The following MZT2A variants were observed in gnomAD, a reference collection of about 807,000 sequenced individuals.
MZT2A encodes the protein mitotic spindle organizing protein 2A.
In MZT2A, 8 loss-of-function variants were observed where a neutral mutation model predicts 12.4. The ratio of observed to expected loss-of-function variants is 0.64; its 90% CI spans 0.38 to 1.16. The LOEUF (loss-of-function observed/expected upper bound fraction) is 1.16. Ranked by LOEUF, MZT2A falls within the 50% of genes most tolerant of loss-of-function variation. The pLI, the probability that MZT2A is intolerant of heterozygous loss-of-function variation, is 0.01. For synonymous variants in MZT2A, 88 were observed against 107.5 expected (o/e 0.82, Z 1.12); for missense variants, 181 against 223.6 (o/e 0.81, Z 1.22).
intron 2 of MZT2A, chr2:131,490,731 G>T (rs996849041): frequency 1.3e-6 from 2 of 1,548,902 alleles, no homozygotes; most frequent in African/African-American, 2.8e-5. Flanking sequence ...GGAGAGAACA[G>T]GCAGCAAGAG....
chr2:131,478,382 G>C, intron 2 of MZT2A: 1 of 1,611,774 alleles, frequency 6.2e-7, no homozygotes, highest in Non-Finnish European at 8.5e-7. Context: ...AGCCCACTGT[G>C]GTCGGTAGGT....
chr2:131,490,651 A>G lies in MZT2A; in HGVS notation c.319+1225T>C, dbSNP rs185212026. The G allele has an allele frequency of 7.6e-4, 1,183 of 1,549,174 alleles. 8 individuals are homozygous for G. The African/African-American group carries it at 0.015, about 19-fold the overall frequency. ...AAAGCTGCTTGGGCCTCTTGGGGCC[A>G]TGCAGTTTCCATGAAAACAAGGAAG... On this transcript the variant is annotated intron_variant, in intron 2 of 2. Transcript: ENST00000309451.
At chr2:131,492,146 AC>A in intron 1 of MZT2A, 60 bp downstream of exon 1, 1 of 1,537,692 alleles carries the variant, frequency 6.5e-7, no homozygotes, top group Non-Finnish European at 8.8e-7. Flanking sequence ...GGCCGGGCGT[AC>A]CCGGAGAGCA....
chr2:131,493,711 G>T (rs971368118), upstream of MZT2A, among the ~76,000 whole-genome samples: 1 of 152,206 alleles, frequency 6.6e-6, no homozygotes, highest in African/African-American at 2.4e-5. Flanking sequence ...GTCCGAAGCA[G>T]CTCCTGGAGA....
At chr2:131,473,983 CA>C (rs1382550824) in intron 2 of MZT2A, among the ~76,000 whole-genome samples, 1 of 149,158 alleles carries the variant, frequency 6.7e-6, no homozygotes, top group African/African-American at 2.6e-5. Context: ...GCCTTGTACT[CA>C]TGCCCTGGGG....
At chr2:131,476,294 T>C in intron 2 of MZT2A, 1 of 1,600,202 alleles carries the variant, frequency 6.2e-7, no homozygotes, top group Non-Finnish European at 8.5e-7. Context: ...GCCTGGGCGC[T>C]GAGAGGAGGC....
intron 2 of MZT2A, among the ~76,000 whole-genome samples, chr2:131,477,072 G>C (rs1226398330): frequency 4.7e-5 from 7 of 147,858 alleles, no homozygotes; most frequent in Non-Finnish European, 9.0e-5. Flanking sequence ...AACAAATGCT[G>C]TGTTGCCCAG....
At chr2:131,488,538 G>A (rs1330097489) in intron 2 of MZT2A, among the ~76,000 whole-genome samples, 3 of 150,780 alleles carry the variant, frequency 2.0e-5, no homozygotes, top group South Asian at 2.1e-4. Context: ...CCCTCCCCCC[G>A]GATTACTCCG....
upstream of MZT2A, chr2:131,493,287 A>AGG: frequency 7.5e-7 from 1 of 1,326,972 alleles, no homozygotes; most frequent in Non-Finnish European, 9.6e-7. Flanking sequence ...TGGGGAGTGG[A>AGG]GGGCCCCGGC....
intron 2 of MZT2A, among the ~76,000 whole-genome samples, chr2:131,477,862 G>A (rs1270012386): frequency 2.6e-5 from 4 of 152,088 alleles, no homozygotes; most frequent in African/African-American, 4.8e-5. Flanking sequence ...TTACTGTGAC[G>A]GGCTATAATG....
At chr2:131,493,156 C>T (rs1293161736), upstream of MZT2A, 24 of 1,437,338 alleles carry the variant, frequency 1.7e-5, no homozygotes, top group East Asian at 2.6e-4. Context: ...TGGCGCGGGA[C>T]GCGCGCGTGA....
At chr2:131,490,191 A>G (rs756700821) in intron 2 of MZT2A, 22 of 743,866 alleles carry the variant, frequency 3.0e-5, no homozygotes, top group African/African-American at 2.5e-4. Context: ...TGACACCTGG[A>G]AAGTGTCCCA....
intron 2 of MZT2A, chr2:131,486,650 G>C (rs1278653964): frequency 6.6e-6 from 1 of 151,596 alleles, no homozygotes; most frequent in Non-Finnish European, 1.5e-5. Flanking sequence ...TTTAGAGACT[G>C]AGTCTTGCTC....
upstream of MZT2A, chr2:131,492,551 C>T (rs1412688094): frequency 8.8e-6 from 10 of 1,136,496 alleles, no homozygotes; most frequent in Admixed American, 1.5e-4. Flanking sequence ...AGTTAGTGGG[C>T]GCTCACGGTG....
At chr2:131,474,162 A>C (rs1328346497) in intron 2 of MZT2A, among the ~76,000 whole-genome samples, 2 of 149,336 alleles carry the variant, frequency 1.3e-5, no homozygotes, top group Non-Finnish European at 2.9e-5. Flanking sequence ...CAGTGGTGCT[A>C]TCTCGGCTCA....
chr2:131,475,992 C>T (rs1231225525), intron 2 of MZT2A: 2 of 894,670 alleles, frequency 2.2e-6, no homozygotes, highest in Non-Finnish European at 3.3e-6. Flanking sequence ...AGAGAGCGTC[C>T]CCAGTACACA....
intron 2 of MZT2A, chr2:131,490,028 ATACACCCC>A (rs1679224646): frequency 1.0e-6 from 1 of 955,180 alleles, no homozygotes; most frequent in African/African-American, 1.8e-5. Context: ...CCTGCAGTCC[ATACACCCC>A]TACTCCAGGC....
chr2:131,482,186 A>G (rs1678887508), downstream of MZT2A, among the ~76,000 whole-genome samples: 1 of 152,168 alleles, frequency 6.6e-6, no homozygotes, highest in Non-Finnish European at 1.5e-5. Flanking sequence ...TGTACTCTGA[A>G]TCTATCTGGG....
intron 2 of MZT2A, among the ~76,000 whole-genome samples, chr2:131,474,102 C>CTT (rs996015413): frequency 5.9e-5 from 8 of 135,264 alleles, no homozygotes; most frequent in African/African-American, 1.6e-4. Flanking sequence ...CAATAAATAG[C>CTT]TTTTTTTTTT....
Sources: gnomAD v4.1 joint callset for allele counts (sites outside exome capture counted in the v4.1 genomes callset) on GRCh38, gnomAD v4.1.1 for gene constraint, MANE v1.5 for transcripts, NCBI Gene and HGNC (gene_info 2026-07-23, HGNC 2026-07-21) for gene names.